The following GOT1 variants were observed in gnomAD, a reference collection of about 807,000 sequenced individuals.
GOT1 encodes the protein glutamic-oxaloacetic transaminase 1.
In GOT1, 25 loss-of-function variants were observed where a neutral mutation model predicts 48.2. The observed-to-expected ratio is 0.52, with a 90% CI of 0.38 to 0.72. The LOEUF (loss-of-function observed/expected upper bound fraction) is 0.72, where lower values mean the gene tolerates loss of function less well. GOT1 is among the 30% of genes least tolerant of loss of function. GOT1 has a pLI of 0.00. For missense variants in GOT1, 380 were observed against 520.1 expected (o/e 0.73, Z 2.62); for synonymous variants, 188 against 193.8 (o/e 0.97, Z 0.25).
intron 2 of GOT1, among the ~76,000 whole-genome samples, chr10:99,409,544 G>A (rs183954634): frequency 6.6e-6 from 1 of 152,274 alleles, no homozygotes; most frequent in East Asian, 1.9e-4. Flanking sequence ...TAGAATGAGA[G>A]ACCTAGATCG....
At chr10:99,407,039 A>T (rs1259903404) in intron 2 of GOT1, among the ~76,000 whole-genome samples, 190 bp from the exon 3 acceptor site, 1 of 152,254 alleles carries the variant, frequency 6.6e-6, no homozygotes, top group Non-Finnish European at 1.5e-5. Flanking sequence ...ACAACTGAGG[A>T]AACTGAGGCT....
rs2032952443 is a variant in GOT1, at chr10:99,420,533, C to T, written c.300+91G>A. On this transcript the variant is annotated intron_variant, in intron 2 of 8. Transcript: ENST00000370508. ...ACTTATTCATTGGCAGTTCAATAGA[C>T]ATAACGCCTAATATTTTAAACAAAC... 6.2e-6 allele frequency: 6 copies of T among 961,254 alleles called. No individual in the cohort carries two copies. In the East Asian group the frequency reaches 7.5e-5, roughly 12 times the overall value. 59.5% of individuals were successfully genotyped at this position (961,254 alleles called of 1,614,324 possible). A position where few individuals can be genotyped will look rare whatever the true frequency, so the allele number is the denominator to read the frequency against.
At position 99,402,838 on chromosome 10, in the gene GOT1, C is replaced by T. The variant is rs939248657; in HGVS notation, c.960-116G>A. On this transcript the variant is annotated intron_variant, in intron 7 of 8. Transcript: ENST00000370508. ...AGCTGACAATGGGATCATAACCTGC[C>T]TATTATGGCATGTGGATGTCTGGAT... 5.0e-6 allele frequency: 4 copies of T among 804,408 alleles called. No individual in the cohort carries two copies. The African/African-American group carries it at 6.8e-5, about 14-fold the overall frequency. 49.8% of individuals were successfully genotyped at this position (804,408 alleles called of 1,614,324 possible).
At position 99,406,249 on chromosome 10, in the gene GOT1, TC is replaced by T. The variant is rs753951302; in HGVS notation, c.425-1del. On this transcript the variant is annotated splice_acceptor_variant, in intron 3 of 8. Coordinates refer to ENST00000370508, the MANE Select transcript of GOT1 (RefSeq NM_002079.3). LOFTEE classifies it high-confidence loss of function. ...AGCGGAAAACACAGCATTGTGATTC[TC>T]TGCATGCAAAGAAGTAAAAAGTTAA... is the stretch of plus-strand genomic sequence containing the variant. The T allele has an allele frequency of 6.2e-7, 1 of 1,605,544 alleles. No individual in the cohort carries two copies. The highest frequency in any genetic ancestry group is 8.5e-7 in the Non-Finnish European group (1 of 1,172,156).
Position 99,397,753 on chromosome 10 carries a change from A to G in GOT1, c.1103-67T>C. 1 of 1,440,644 alleles carries G rather than the reference A, an allele frequency of 6.9e-7. No individual in the cohort carries two copies. The highest frequency in any genetic ancestry group is 2.3e-5 in the East Asian group (1 of 43,850). The allele number at this position is 1,440,644 out of a possible 1,614,324, so 89.2% of individuals were successfully genotyped here. ...TCCTTAAAGCAGTGGAGGCTCAGCA[A>G]TTATATGACAATTACAGCTTTACTT... On this transcript the variant is annotated intron_variant, in intron 8 of 8. Transcript: ENST00000370508. This position sits in a 1 kb window ranked among gnomAD's most constrained non-coding sequence, Gnocchi z 5.4.
chr10:99,409,956 C>T (rs1415284455), intron 2 of GOT1, among the ~76,000 whole-genome samples: 1 of 152,194 alleles, frequency 6.6e-6, no homozygotes, highest in Non-Finnish European at 1.5e-5. Context: ...AGAATACTAT[C>T]TGAAATGTGA....
intron 2 of GOT1, among the ~76,000 whole-genome samples, chr10:99,407,062 G>A (rs1423447475): frequency 6.6e-6 from 1 of 152,188 alleles, no homozygotes; most frequent in East Asian, 1.9e-4. Context: ...GAGAGGTGAA[G>A]AACCTTGCTC....
At position 99,401,830 on chromosome 10, in the gene GOT1, C is replaced by T. The variant is rs556681844; in HGVS notation, c.1102+750G>A. Among the ~76,000 whole-genome samples, 76 of 150,062 alleles carry T rather than the reference C, an allele frequency of 5.1e-4. 2 individuals carry two copies. In the South Asian group the frequency reaches 0.015, roughly 29 times the overall value. On this transcript the variant is annotated intron_variant, in intron 8 of 8. Coordinates refer to ENST00000370508, the MANE Select transcript of GOT1 (RefSeq NM_002079.3). ...AGGTTCTTTTCTTTTTTTTTTGAGA[C>T]GGAGTCTCGCTCTGTCGCCCAGGCT... is the stretch of plus-strand genomic sequence containing the variant.
At position 99,405,727 on chromosome 10, in the gene GOT1, T is replaced by G. The variant is rs1456036092; in HGVS notation, c.642+29A>C. On this transcript the variant is annotated intron_variant, in intron 5 of 8. Transcript: ENST00000370508. ...CATTAAATAAGAATATATACTATTT[T>G]TTAAGAGATGCTCTGAAGGGGCAGT... 30 of 1,023,232 alleles carry G rather than the reference T, an allele frequency of 2.9e-5. No homozygotes were observed. The East Asian group carries it at 7.1e-4, about 24-fold the overall frequency. The allele number at this position is 1,023,232 out of a possible 1,614,324, so 63.4% of individuals were successfully genotyped here.
In GOT1 at chr10:99,403,578, C is replaced by T. The variant is rs749650431; in HGVS notation, c.850G>A (p.Val284Ile). The change falls in exon 7 of 9, where the codon GTC (valine) becomes ATC (isoleucine). Residue 284 changes from valine to isoleucine, a missense_variant. By Grantham distance (29) the Val-to-Ile change is conservative. Transcript: ENST00000370508. ...ACGATCTTCTCCATCTGGGAAAGGA[C>T]TTGCAGGATGCTCTCAGGTTCTTTT... ...VGKEPESILQ[V>I]LSQMEKIVRI... 1 of 1,614,156 alleles carries T rather than the reference C, an allele frequency of 6.2e-7. No individual in the cohort carries two copies. The highest frequency in any genetic ancestry group is 2.2e-5 in the East Asian group (1 of 44,882).
At chr10:99,398,648 G>A (rs569986420) in intron 8 of GOT1, among the ~76,000 whole-genome samples, 2 of 151,822 alleles carry the variant, frequency 1.3e-5, no homozygotes, top group East Asian at 1.9e-4. Context: ...TCCAGCCTGG[G>A]TGACAGAGTG....
chr10:99,405,714 A>C, intron 5 of GOT1, 42 bp downstream of exon 5: 1 of 928,310 alleles, frequency 1.1e-6, no homozygotes, highest in Non-Finnish European at 1.8e-6. Context: ...TTAAATAAGA[A>C]TATATACTAT....
chr10:99,413,964 C>T lies in GOT1; in HGVS notation c.300+6660G>A, dbSNP rs867703774. Reference sequence around the variant, plus strand: ...AGCACTAAATATGGAAAGGAACAACCGGTACCAGCCACTGCAAAAACATGC... The same window carrying T: ...AGCACTAAATATGGAAAGGAACAACTGGTACCAGCCACTGCAAAAACATGC... On this transcript the variant is annotated intron_variant, in intron 2 of 8. Coordinates refer to ENST00000370508, the MANE Select transcript of GOT1 (RefSeq NM_002079.3). Among the ~76,000 whole-genome samples the T allele has an allele frequency of 1.8e-4, 27 of 152,276 alleles. No homozygotes were observed. In the Middle Eastern group the frequency reaches 0.01, roughly 58 times the overall value.
chr10:99,402,531 TTG>T (rs1351363180), intron 8 of GOT1, 47 bp downstream of exon 8: 8 of 1,600,994 alleles, frequency 5.0e-6, no homozygotes, highest in Non-Finnish European at 6.8e-6. Flanking sequence ...GAAAGGAATG[TTG>T]TGTGTCTACA....
rs2033105422 is a variant in GOT1, at chr10:99,430,500, A to C, written c.66T>G (p.Thr22=). Residue 22 remains threonine, a synonymous_variant, in exon 1 of 9, where the codon ACT becomes ACG. Coordinates refer to ENST00000370508, the MANE Select transcript of GOT1 (RefSeq NM_002079.3). ...GGTCCGGATCCTCCCTGAAGTCGGC[A>C]GTGAGCTTGAAGACCAGGACAGGCT... The part of the protein sequence containing the change: ...QAQPVLVFKL[T]ADFREDPDPR... 1.2e-6 allele frequency: 2 copies of C among 1,612,674 alleles called. No individual in the cohort carries two copies. The highest frequency in any genetic ancestry group is 4.5e-5 in the East Asian group (2 of 44,846).
intron 8 of GOT1, among the ~76,000 whole-genome samples, chr10:99,399,104 G>C (rs1589933282): frequency 1.3e-5 from 2 of 152,310 alleles, no homozygotes; most frequent in African/African-American, 4.8e-5. Context: ...ACATACAGAA[G>C]TAGCCCTGCA....
intron 1 of GOT1, among the ~76,000 whole-genome samples, chr10:99,428,503 G>A (rs967803941): frequency 1.3e-5 from 2 of 152,136 alleles, no homozygotes; most frequent in Non-Finnish European, 2.9e-5. Context: ...GACTACCAGT[G>A]TGCACCACCA....
At position 99,414,675 on chromosome 10, in the gene GOT1, G is replaced by A. The variant is rs574233714; in HGVS notation, c.300+5949C>T. 1.7e-4 allele frequency among the ~76,000 whole-genome samples: 26 copies of A among 152,056 alleles called. No homozygotes were observed. In the South Asian group the frequency reaches 4.8e-3, roughly 28 times the overall value. On this transcript the variant is annotated intron_variant, in intron 2 of 8. Coordinates refer to ENST00000370508, the MANE Select transcript of GOT1 (RefSeq NM_002079.3). Reference sequence around the variant, plus strand: ...ACCACACCACACTTATTTCAAAATTGACCACATAGTTGGAAGTAAAGCACT... The same window carrying A: ...ACCACACCACACTTATTTCAAAATTAACCACATAGTTGGAAGTAAAGCACT...
At chr10:99,409,704 G>A (rs2032807106) in intron 2 of GOT1, among the ~76,000 whole-genome samples, 1 of 152,116 alleles carries the variant, frequency 6.6e-6, no homozygotes, top group African/African-American at 2.4e-5. Context: ...AAACCCAAAT[G>A]ATCATCACAA....
Sources: allele counts gnomAD v4.1 joint callset (sites outside exome capture counted in the v4.1 genomes callset), GRCh38; gene constraint gnomAD v4.1.1; non-coding constraint Gnocchi (gnomAD v3.1); transcripts MANE v1.5; gene names NCBI Gene and HGNC (gene_info 2026-07-23, HGNC 2026-07-21).